The following MAPK10 variants were observed in gnomAD, a reference collection of about 807,000 sequenced individuals.
The protein encoded by MAPK10 is mitogen-activated protein kinase 10, also known as JNK3 alpha protein kinase.
A neutral mutation model predicts 59.3 loss-of-function variants in MAPK10; 25 were observed. The observed-to-expected ratio is 0.42, with a 90% CI of 0.31 to 0.59. MAPK10 has a LOEUF of 0.59. MAPK10 is among the 20% of genes least tolerant of loss of function. The pLI is 0.15. For missense variants in MAPK10, 351 were observed against 568.9 expected (o/e 0.62, Z 3.90); for synonymous variants, 190 against 200.5 (o/e 0.95, Z 0.44).
At chr4:86,292,137 A>G (rs2095245337) in intron 2 of MAPK10, among the ~76,000 whole-genome samples, 1 of 152,208 alleles carries the variant, frequency 6.6e-6, no homozygotes, top group South Asian at 2.1e-4. Context: ...ATATTTGTCT[A>G]ATTATTAGAG....
chr4:86,136,752 G>C (rs1018080031), intron 4 of MAPK10, among the ~76,000 whole-genome samples: 5 of 151,584 alleles, frequency 3.3e-5, no homozygotes, highest in South Asian at 2.1e-4. Flanking sequence ...ATTGGATAAA[G>C]AGTCAAGACC....
chr4:86,067,398 C>T (rs1309554635), intron 10 of MAPK10, among the ~76,000 whole-genome samples: 1 of 152,060 alleles, frequency 6.6e-6, no homozygotes, highest in Non-Finnish European at 1.5e-5. Flanking sequence ...CTCCCGCCTC[C>T]GCCTTCCAAA....
intron 9 of MAPK10, among the ~76,000 whole-genome samples, chr4:86,086,616 A>C (rs1298686192): frequency 6.6e-6 from 1 of 152,164 alleles, no homozygotes; most frequent in Admixed American, 6.6e-5. Flanking sequence ...TGTTTTGAGA[A>C]TGCTTTTATA....
At chr4:86,569,458 C>A (rs907831937) in intron 1 of MAPK10, among the ~76,000 whole-genome samples, 1 of 151,952 alleles carries the variant, frequency 6.6e-6, no homozygotes, top group Non-Finnish European at 1.5e-5. Context: ...GGTATCTACC[C>A]AAAGAAAATT....
intron 2 of MAPK10, among the ~76,000 whole-genome samples, chr4:86,304,750 C>G (rs528881527): frequency 2.6e-5 from 4 of 152,252 alleles, no homozygotes; most frequent in Admixed American, 6.5e-5. Flanking sequence ...GTAAAAACGT[C>G]TCCATTTTTA....
chr4:86,575,998 CGTGTGTGTGT>C (rs56886437), intron 1 of MAPK10, among the ~76,000 whole-genome samples: 4 of 147,262 alleles, frequency 2.7e-5, no homozygotes, highest in South Asian at 2.2e-4. Flanking sequence ...TGTGTGTATG[CGTGTGTGTGT>C]GTGTGTGTGT....
At chr4:86,418,927 C>A (rs996587515) in intron 1 of MAPK10, among the ~76,000 whole-genome samples, 1 of 152,082 alleles carries the variant, frequency 6.6e-6, no homozygotes, top group Non-Finnish European at 1.5e-5. Context: ...GGAATGGAAA[C>A]CCAAATATCA....
intron 2 of MAPK10, among the ~76,000 whole-genome samples, chr4:86,242,335 G>A (rs112383722): frequency 0.047 from 7,128 of 152,148 alleles, 219 homozygotes; most frequent in African/African-American, 0.073. Flanking sequence ...CCAGTTGGGC[G>A]GCACGGGGAG....
chr4:86,027,517 T>G (rs1191512806), intron 13 of MAPK10: 1 of 152,248 alleles, frequency 6.6e-6, no homozygotes, highest in East Asian at 1.9e-4. Context: ...TTGGCCTGTT[T>G]ATCTTCATGG....
chr4:86,266,747 T>G (rs1289215564), intron 2 of MAPK10, among the ~76,000 whole-genome samples: 1 of 152,170 alleles, frequency 6.6e-6, no homozygotes, highest in South Asian at 2.1e-4. Context: ...GAAATTCAGT[T>G]AATCCTCTTA....
chr4:86,060,615 T>G (rs751103539), intron 11 of MAPK10, among the ~76,000 whole-genome samples: 3 of 152,072 alleles, frequency 2.0e-5, no homozygotes, highest in Admixed American at 6.6e-5. Context: ...TTCATGAACA[T>G]TGTATTTTCT....
intron 2 of MAPK10, among the ~76,000 whole-genome samples, chr4:86,303,268 T>A (rs886360043): frequency 1.3e-5 from 2 of 152,154 alleles, no homozygotes; most frequent in African/African-American, 4.8e-5. Flanking sequence ...AAAACATCAT[T>A]TTGTTTTTTG....
At chr4:86,549,863 CAAACA>C (rs1565027103) in intron 1 of MAPK10, among the ~76,000 whole-genome samples, 2 of 151,798 alleles carry the variant, frequency 1.3e-5, no homozygotes, top group African/African-American at 2.4e-5. Flanking sequence ...AACAAACAAA[CAAACA>C]AAACAATAAG....
chr4:86,088,183 GTCTGTTTGTTTA>G (rs2052340538), intron 9 of MAPK10, among the ~76,000 whole-genome samples: 2 of 151,986 alleles, frequency 1.3e-5, no homozygotes, highest in African/African-American at 2.4e-5. Context: ...TTGTTTGTTT[GTCTGTTTGTTTA>G]GAGACAGGGT....
At chr4:86,131,334 A>G (rs374820374) in intron 4 of MAPK10, among the ~76,000 whole-genome samples, 1 of 152,168 alleles carries the variant, frequency 6.6e-6, no homozygotes, top group Non-Finnish European at 1.5e-5. Context: ...TAAGAGGAGT[A>G]GAGAAAATAA....
At chr4:86,036,823 G>T (rs765853610) in intron 11 of MAPK10, among the ~76,000 whole-genome samples, 1 of 152,056 alleles carries the variant, frequency 6.6e-6, no homozygotes, top group Non-Finnish European at 1.5e-5. Context: ...TACGCCCTTC[G>T]CTCCTTTAAG....
At chr4:86,198,673 A>G (rs1211108172) in intron 2 of MAPK10, among the ~76,000 whole-genome samples, 1 of 151,998 alleles carries the variant, frequency 6.6e-6, no homozygotes, top group Non-Finnish European at 1.5e-5. Context: ...TTTCTGTGAA[A>G]TAAGTCATAA....
chr4:86,104,723 C>T (rs566776737), intron 5 of MAPK10, among the ~76,000 whole-genome samples: 4 of 152,148 alleles, frequency 2.6e-5, no homozygotes, highest in East Asian at 3.9e-4. Context: ...AATAGCATTA[C>T]AATTTTAAAT....
chr4:86,208,237 T>C (rs1479670335), intron 2 of MAPK10, among the ~76,000 whole-genome samples: 2 of 151,826 alleles, frequency 1.3e-5, no homozygotes, highest in African/African-American at 2.4e-5. Flanking sequence ...TAACTCATTT[T>C]ATGAAGCCAG....
Sources: allele counts gnomAD v4.1 joint callset (sites outside exome capture counted in the v4.1 genomes callset), GRCh38; gene constraint gnomAD v4.1.1; transcripts MANE v1.5; gene names NCBI Gene and HGNC (gene_info 2026-07-23, HGNC 2026-07-21).